Variants in HNRNPR observed in about 807,000 individuals in gnomAD.
HNRNPR encodes heterogeneous nuclear ribonucleoprotein R.
HNRNPR carries 4 observed loss-of-function variants against 70.3 expected under a neutral mutation model. The observed-to-expected ratio is 0.06, with a 90% CI of 0.03 to 0.13. The LOEUF (loss-of-function observed/expected upper bound fraction) is 0.13, where lower values mean the gene tolerates loss of function less well. Among genes scored for constraint, HNRNPR ranks in the 10% least tolerant of loss-of-function variants. The probability of loss-of-function intolerance (pLI) is 1.00; values close to 1 mark genes in which losing one functional copy is unlikely to be tolerated. For synonymous variants in HNRNPR, 241 were observed against 267.6 expected, an observed-to-expected ratio of 0.90 and a Z score of 0.97; for missense variants, 423 against 788.5, an observed-to-expected ratio of 0.54 and a Z score of 5.55.
chr1:23,323,368 G>A (rs1342655636), intron 6 of HNRNPR, among the ~76,000 whole-genome samples, 188 bp downstream of exon 6: 1 of 151,366 alleles, frequency 6.6e-6, no homozygotes, highest in East Asian at 1.9e-4. Flanking sequence ...TTACTTTTTG[G>A]GTATTTTCAG....
intron 1 of HNRNPR, among the ~76,000 whole-genome samples, chr1:23,342,963 A>C (rs1646760418): frequency 1.3e-5 from 2 of 152,258 alleles, no homozygotes; most frequent in South Asian, 4.1e-4. Flanking sequence ...TTTAACAAAA[A>C]AACCGTAAAA....
intron 1 of HNRNPR, among the ~76,000 whole-genome samples, chr1:23,341,247 C>T (rs1462601875): frequency 1.3e-5 from 2 of 152,000 alleles, no homozygotes; most frequent in Non-Finnish European, 2.9e-5. Flanking sequence ...TCATGTACAC[C>T]GGGTAAGATA....
At chr1:23,334,326 T>A (rs916458117) in intron 4 of HNRNPR, among the ~76,000 whole-genome samples, 2 of 142,402 alleles carry the variant, frequency 1.4e-5, no homozygotes, top group Non-Finnish European at 1.5e-5. Flanking sequence ...AAGCTCCGCC[T>A]CCCAGGTTCA....
intron 7 of HNRNPR, 53 bp downstream of exon 7, chr1:23,321,475 A>C: frequency 1.3e-6 from 2 of 1,497,648 alleles, no homozygotes; most frequent in South Asian, 1.2e-5. Flanking sequence ...GAGCACTTGT[A>C]AGTAGTACAA....
intron 9 of HNRNPR, among the ~76,000 whole-genome samples, chr1:23,312,467 G>A (rs1645372424): frequency 6.6e-6 from 1 of 152,110 alleles, no homozygotes; most frequent in South Asian, 2.1e-4. Context: ...AAAATTATTA[G>A]TTATCTGCAT....
rs2148289282 is a variant in HNRNPR, at chr1:23,307,623, T to A, written c.*2831A>T. The stretch of plus-strand genomic sequence containing the variant: ...AATCTGGCAACTTATTAGAACTTTT[T>A]TGCTCTTAAAAATTAAAATACCTTC... On this transcript the variant is annotated 3_prime_UTR_variant, in exon 11 of 11. Transcript: ENST00000302271. The A allele has an allele frequency of 6.6e-6, 1 of 152,232 alleles. No individual in the cohort carries two copies. The highest frequency in any genetic ancestry group is 2.1e-4 in the South Asian group (1 of 4,824). 9.4% of individuals were successfully genotyped at this position (152,232 alleles called of 1,614,324 possible). A position where few individuals can be genotyped will look rare whatever the true frequency, so the allele number is the denominator to read the frequency against.
chr1:23,317,017 T>C (rs999578354), intron 8 of HNRNPR, among the ~76,000 whole-genome samples: 2 of 152,120 alleles, frequency 1.3e-5, no homozygotes, highest in Non-Finnish European at 2.9e-5. Flanking sequence ...GAACGAGGGT[T>C]TGCCTCCTCA....
chr1:23,339,964 G>A (rs1030802370), intron 2 of HNRNPR, among the ~76,000 whole-genome samples: 2 of 151,596 alleles, frequency 1.3e-5, no homozygotes, highest in African/African-American at 4.9e-5. Context: ...CATGACCCAG[G>A]AGTCATTTTT....
chr1:23,334,823 G>A (rs1398058170), intron 4 of HNRNPR, among the ~76,000 whole-genome samples: 1 of 152,108 alleles, frequency 6.6e-6, no homozygotes, highest in Non-Finnish European at 1.5e-5. Context: ...TTATAATTGA[G>A]GCAACATCTA....
At chr1:23,341,537 G>T (rs1646704038) in intron 1 of HNRNPR, among the ~76,000 whole-genome samples, 1 of 151,764 alleles carries the variant, frequency 6.6e-6, no homozygotes, top group Non-Finnish European at 1.5e-5. Context: ...TGGTGGTTTG[G>T]GTTTTCTCCA....
rs6656572 is a variant in HNRNPR, at chr1:23,343,992, A to C, written c.-10+219T>G. ...GCCCAGCGGGCCGGACCGCGGGCTA[A>C]AGGGGCGGGGGGAGGAAGAGCGAGG... On this transcript the variant is annotated intron_variant, in intron 1 of 10. Transcript: ENST00000302271. Among the ~76,000 whole-genome samples, 4 of 152,236 alleles carry C rather than the reference A, an allele frequency of 2.6e-5. No homozygotes were observed. In the East Asian group the frequency reaches 7.8e-4, roughly 30 times the overall value.
At chr1:23,340,184 T>G (rs1237553733) in intron 2 of HNRNPR, among the ~76,000 whole-genome samples, 1 of 152,172 alleles carries the variant, frequency 6.6e-6, no homozygotes, top group East Asian at 1.9e-4. Flanking sequence ...GAGGACACAT[T>G]CATTTATGAA....
chr1:23,322,530 C>T (rs901263660), intron 6 of HNRNPR, among the ~76,000 whole-genome samples: 2 of 152,260 alleles, frequency 1.3e-5, no homozygotes, highest in Admixed American at 6.5e-5. Context: ...GCCACCACAC[C>T]TGGCCAATTT....
chr1:23,336,692 G>GTGAGC (rs1646503279), intron 4 of HNRNPR, among the ~76,000 whole-genome samples: 1 of 148,280 alleles, frequency 6.7e-6, no homozygotes, highest in Admixed American at 6.7e-5. Context: ...AGAGGTTGAA[G>GTGAGC]TGAGCTGAGA....
At chr1:23,337,320 T>A (rs1339363151) in intron 4 of HNRNPR, among the ~76,000 whole-genome samples, 1 of 152,232 alleles carries the variant, frequency 6.6e-6, no homozygotes, top group Non-Finnish European at 1.5e-5. Context: ...ATCCTTCTTA[T>A]GTAATTCCTC....
chr1:23,305,075 T>C lies in HNRNPR; in HGVS notation c.*5379A>G, dbSNP rs755011061. 3 of 152,204 alleles carry C rather than the reference T, an allele frequency of 2.0e-5. No homozygotes were observed. Among genetic ancestry groups the C allele is most frequent in the Non-Finnish European group, 2.9e-5 (2 of 68,016 alleles). The allele number at this position is 152,204 out of a possible 1,614,324, so 9.4% of individuals were successfully genotyped here. A position where few individuals can be genotyped will look rare whatever the true frequency, so the allele number is the denominator to read the frequency against. ...ATCTACTATATAAAGTGAGAGCCCT[T>C]ATTTAAATTTGAGCAATTTAAGTTT... On this transcript the variant is annotated 3_prime_UTR_variant, in exon 11 of 11. Coordinates refer to ENST00000302271, the MANE Select transcript of HNRNPR (RefSeq NM_005826.5).
intron 8 of HNRNPR, among the ~76,000 whole-genome samples, chr1:23,315,279 CAAAAAAAAAAA>C (rs1165980444): frequency 1.1e-4 from 4 of 35,376 alleles, no homozygotes; most frequent in South Asian, 9.9e-4. Flanking sequence ...GGCTCCGTCT[CAAAAAAAAAAA>C]AAAAAAAAAA....
chr1:23,311,367 A>C (rs1645330926), intron 9 of HNRNPR, 45 bp from the exon 10 acceptor site: 2 of 1,279,840 alleles, frequency 1.6e-6, no homozygotes, highest in African/African-American at 3.0e-5. Flanking sequence ...ATAAAACTGT[A>C]TTTTGTTTTA....
intron 2 of HNRNPR, among the ~76,000 whole-genome samples, chr1:23,340,066 C>T (rs1180569482): frequency 2.6e-5 from 4 of 151,610 alleles, no homozygotes; most frequent in African/African-American, 9.7e-5. Flanking sequence ...TTTGCTACTA[C>T]TGTACTTAAG....
Sources: gnomAD v4.1 joint callset for allele counts (sites outside exome capture counted in the v4.1 genomes callset) on GRCh38, gnomAD v4.1.1 for gene constraint, MANE v1.5 for transcripts, NCBI Gene and HGNC (gene_info 2026-07-23, HGNC 2026-07-21) for gene names.